ELAPOR1: variants seen among roughly 807,000 people sequenced by gnomAD.
The protein encoded by ELAPOR1 is endosome/lysosome-associated apoptosis and autophagy regulator 1.
ELAPOR1 carries 77 observed loss-of-function variants against 119.7 expected under a neutral mutation model. The observed-to-expected ratio is 0.64, with a 90% CI of 0.54 to 0.78. ELAPOR1 has a LOEUF of 0.78. ELAPOR1 is among the 30% of genes least tolerant of loss of function. The probability of loss-of-function intolerance (pLI) is 0.00; values close to 1 mark genes in which losing one functional copy is unlikely to be tolerated. For missense variants in ELAPOR1, 1,115 were observed against 1,270.4 expected (o/e 0.88, Z 1.86); for synonymous variants, 481 against 487.2 (o/e 0.99, Z 0.17).
chr1:109,114,214 T>C lies in ELAPOR1; in HGVS notation c.31T>C (p.Ser11Pro), dbSNP rs1315477111. Residue 11 changes from serine (S) to proline (P), a missense_variant, in exon 1 of 22, where the codon TCC (serine) becomes CCC (proline). Transcript: ENST00000369939. ...TGAGCCTGGGCACAGCCACCATCTC[T>C]CCGCCAGAGTCAGGGGAAGAACTGA... MAEPGHSHHL[S>P]ARVRGRTERR... is the part of the protein sequence containing the mutation. 1 of 1,603,916 alleles carries C rather than the reference T, an allele frequency of 6.2e-7. No homozygotes were observed.
intron 1 of ELAPOR1, among the ~76,000 whole-genome samples, chr1:109,114,596 A>G (rs936684803): frequency 6.6e-6 from 1 of 152,196 alleles, no homozygotes; most frequent in Non-Finnish European, 1.5e-5. Context: ...AAGGGGAGCT[A>G]CCTGGGTACC....
At chr1:109,167,271 G>C (rs1440750983) in intron 3 of ELAPOR1, among the ~76,000 whole-genome samples, 4 of 152,032 alleles carry the variant, frequency 2.6e-5, no homozygotes, top group Non-Finnish European at 5.9e-5. Context: ...AGAGAGGCAG[G>C]ATGTGGGTGG....
Position 109,164,704 on chromosome 1 carries a change from ACACCCC to A in ELAPOR1, c.467+20_467+25del. ...GGAACTGTACTTCGTGAGTCTGCAC[ACACCCC>A]CACCCCACCCCCAGCCCACTGGGTA... On this transcript the variant is annotated intron_variant, in intron 3 of 21. Transcript: ENST00000369939. 6.2e-7 allele frequency: 1 copy of A among 1,604,176 alleles called. No homozygotes were observed. Among genetic ancestry groups the A allele is most frequent in the Non-Finnish European group, 8.5e-7 (1 of 1,172,958 alleles).
At chr1:109,144,061 A>ATATATATATATATTTTTT in intron 1 of ELAPOR1, among the ~76,000 whole-genome samples, 6 of 88,990 alleles carry the variant, frequency 6.7e-5, no homozygotes, top group African/African-American at 1.9e-4. Flanking sequence ...ATATTTATAT[A>ATATATATATATATTTTTT]TTTTTTTTTT....
intron 8 of ELAPOR1, chr1:109,187,901 G>T (rs1653155584): frequency 2.6e-6 from 3 of 1,151,248 alleles, no homozygotes; most frequent in African/African-American, 1.6e-5. Flanking sequence ...TAAGACAACT[G>T]GTCCCACATT....
At chr1:109,171,827 G>A in intron 3 of ELAPOR1, 39 bp from the exon 4 acceptor site, 1 of 1,610,298 alleles carries the variant, frequency 6.2e-7, no homozygotes, top group South Asian at 1.1e-5. Context: ...CTGGTGGGCT[G>A]TGCTCCTGCC....
At chr1:109,180,209 T>C (rs1375293077) in intron 7 of ELAPOR1, among the ~76,000 whole-genome samples, 1 of 152,236 alleles carries the variant, frequency 6.6e-6, no homozygotes, top group Non-Finnish European at 1.5e-5. Context: ...GTGATCCATT[T>C]CCTAAACAGA....
intron 7 of ELAPOR1, among the ~76,000 whole-genome samples, chr1:109,184,100 G>A (rs1052632471): frequency 1.3e-5 from 2 of 152,028 alleles, no homozygotes; most frequent in Non-Finnish European, 2.9e-5. Flanking sequence ...GGCCGGGCAC[G>A]GTGGCTCACC....
At chr1:109,154,080 G>A (rs1255344718) in intron 1 of ELAPOR1, among the ~76,000 whole-genome samples, 1 of 151,504 alleles carries the variant, frequency 6.6e-6, no homozygotes, top group Non-Finnish European at 1.5e-5. Flanking sequence ...TCGGGAGTTT[G>A]AGATCAGCCT....
At chr1:109,150,497 G>C (rs886732416) in intron 1 of ELAPOR1, among the ~76,000 whole-genome samples, 5 of 152,108 alleles carry the variant, frequency 3.3e-5, no homozygotes, top group Non-Finnish European at 5.9e-5. Context: ...GCTTGCTCTG[G>C]GGGAGAGGAG....
At chr1:109,136,770 C>T (rs867278393) in intron 1 of ELAPOR1, among the ~76,000 whole-genome samples, 2 of 152,198 alleles carry the variant, frequency 1.3e-5, no homozygotes, top group African/African-American at 4.8e-5. Flanking sequence ...AGCCTCTGAC[C>T]GTGTGTCCAT....
intron 1 of ELAPOR1, among the ~76,000 whole-genome samples, chr1:109,152,776 T>C (rs1489462130): frequency 1.8e-4 from 27 of 151,770 alleles, no homozygotes; most frequent in Non-Finnish European, 4.4e-5. Flanking sequence ...AAACCCCATC[T>C]CTATTAAAAA....
chr1:109,184,957 G>A (rs551292405), intron 7 of ELAPOR1, 88 bp from the exon 8 acceptor site: 94 of 936,696 alleles, frequency 1.0e-4, no homozygotes, highest in Non-Finnish European at 1.3e-4. Flanking sequence ...ATGCACCCAG[G>A]GACTTGGGAG....
At position 109,197,671 on chromosome 1, in the gene ELAPOR1, C is replaced by G. The variant is rs138864240; in HGVS notation, c.2302+17C>G. 6.3e-7 allele frequency: 1 copy of G among 1,589,626 alleles called. No individual in the cohort carries two copies. Among genetic ancestry groups the G allele is most frequent in the South Asian group, 1.1e-5 (1 of 88,392 alleles). ...GACTTATTGGTGAGTAACTCCGCTGCCTCAGCCTTGTTTGAGAGTGTGTGT... is the reference window on the plus strand; with the variant it reads ...GACTTATTGGTGAGTAACTCCGCTGGCTCAGCCTTGTTTGAGAGTGTGTGT... On this transcript the variant is annotated intron_variant, in intron 16 of 21. Transcript: ENST00000369939.
At chr1:109,161,659 G>C in intron 1 of ELAPOR1, 1 of 376,578 alleles carries the variant, frequency 2.7e-6, no homozygotes, top group South Asian at 4.6e-5. Flanking sequence ...ACAACAAAGA[G>C]AGTCACACAC....
chr1:109,121,144 A>T (rs945636665), intron 1 of ELAPOR1, among the ~76,000 whole-genome samples: 14 of 151,648 alleles, frequency 9.2e-5, no homozygotes, highest in African/African-American at 3.4e-4. Context: ...TATTTCTTGA[A>T]TTTTTTTTCA....
intron 15 of ELAPOR1, among the ~76,000 whole-genome samples, chr1:109,195,442 G>A (rs925388019): frequency 6.6e-5 from 10 of 151,738 alleles, no homozygotes; most frequent in East Asian, 1.9e-4. Flanking sequence ...TGCAGTGAGC[G>A]GAGATCACGC....
chr1:109,116,726 GC>G, intron 1 of ELAPOR1, among the ~76,000 whole-genome samples: 1 of 124,814 alleles, frequency 8.0e-6, no homozygotes, highest in East Asian at 2.1e-4. Flanking sequence ...TGGCTTTGTT[GC>G]CAGGCCAGGC....
intron 2 of ELAPOR1, among the ~76,000 whole-genome samples, chr1:109,162,722 C>CA (rs1363124076): frequency 2.0e-5 from 3 of 152,336 alleles, no homozygotes; most frequent in African/African-American, 7.2e-5. Flanking sequence ...CAGCTTAGTA[C>CA]AGTGCCTGGT....
Sources: gnomAD v4.1 joint callset for allele counts (sites outside exome capture counted in the v4.1 genomes callset) on GRCh38, gnomAD v4.1.1 for gene constraint, MANE v1.5 for transcripts, NCBI Gene and HGNC (gene_info 2026-07-23, HGNC 2026-07-21) for gene names.